The following CDK5RAP2 variants were observed in gnomAD, a reference collection of about 807,000 sequenced individuals.
The protein encoded by CDK5RAP2 is CDK5 regulatory subunit-associated protein 2.
CDK5RAP2 carries 147 observed loss-of-function variants against 232.9 expected under a neutral mutation model. The ratio of observed to expected loss-of-function variants is 0.63; its 90% CI spans 0.55 to 0.72. The LOEUF (loss-of-function observed/expected upper bound fraction) is 0.72. CDK5RAP2 is among the 30% of genes least tolerant of loss of function. CDK5RAP2 has a pLI of 0.00. For missense variants in CDK5RAP2, 2,195 were observed against 2,231.5 expected (o/e 0.98, Z 0.33); for synonymous variants, 833 against 833.7 (o/e 1.00, Z 0.01).
At chr9:120,465,718 AACCTCTAAAC>A (rs1359422936) in intron 18 of CDK5RAP2, among the ~76,000 whole-genome samples, 1 of 152,304 alleles carries the variant, frequency 6.6e-6, no homozygotes, top group African/African-American at 2.4e-5. Flanking sequence ...AAAAAAAAAA[AACCTCTAAAC>A]ACAGAAAAAG....
At chr9:120,516,070 T>C (rs1564324523) in intron 12 of CDK5RAP2, among the ~76,000 whole-genome samples, 1 of 152,094 alleles carries the variant, frequency 6.6e-6, no homozygotes, top group Non-Finnish European at 1.5e-5. Flanking sequence ...TGCACACGTA[T>C]GTTTATTTCG....
chr9:120,436,454 A>G (rs1335704835), intron 25 of CDK5RAP2, among the ~76,000 whole-genome samples: 1 of 152,240 alleles, frequency 6.6e-6, no homozygotes, highest in Non-Finnish European at 1.5e-5. Context: ...CTGTCATAAA[A>G]GACATTATTG....
intron 23 of CDK5RAP2, 96 bp downstream of exon 23, chr9:120,443,524 G>T: frequency 7.6e-7 from 1 of 1,320,726 alleles, no homozygotes; most frequent in Non-Finnish European, 1.1e-6. Context: ...GCCCTGAGAG[G>T]GCTGCTATGG....
intron 27 of CDK5RAP2, among the ~76,000 whole-genome samples, chr9:120,415,792 A>G (rs1441495331): frequency 6.6e-6 from 1 of 150,906 alleles, no homozygotes; most frequent in African/African-American, 2.4e-5. Context: ...TTCAACTCTT[A>G]GGACTCTATT....
chr9:120,527,015 C>T (rs1264692120), intron 10 of CDK5RAP2, among the ~76,000 whole-genome samples: 2 of 151,922 alleles, frequency 1.3e-5, no homozygotes, highest in Admixed American at 1.3e-4. Context: ...CCCCTTCCCT[C>T]TGCCTCCCCA....
intron 25 of CDK5RAP2, among the ~76,000 whole-genome samples, chr9:120,436,782 T>A (rs1030619477): frequency 5.3e-5 from 8 of 152,162 alleles, no homozygotes; most frequent in African/African-American, 1.7e-4. Flanking sequence ...AAAATTATTT[T>A]AAAAATTTTA....
At chr9:120,427,776 C>T (rs2035010314) in intron 25 of CDK5RAP2, among the ~76,000 whole-genome samples, 1 of 152,130 alleles carries the variant, frequency 6.6e-6, no homozygotes, top group African/African-American at 2.4e-5. Context: ...GCCTGGCCCA[C>T]AGAAATGTTT....
At chr9:120,409,092 C>T (rs555518876) in intron 30 of CDK5RAP2, 35 bp downstream of exon 30, 54 of 1,596,704 alleles carry the variant, frequency 3.4e-5, no homozygotes, top group Non-Finnish European at 3.9e-5. Flanking sequence ...ATGCGTGGTA[C>T]GGCCAGCAGG....
chr9:120,429,938 G>T (rs1476917956), intron 25 of CDK5RAP2, among the ~76,000 whole-genome samples: 1 of 152,134 alleles, frequency 6.6e-6, no homozygotes, highest in African/African-American at 2.4e-5. Context: ...ACAGAACAGA[G>T]CCCTCAGAAA....
In CDK5RAP2 at chr9:120,579,980, GCT is replaced by G; in HGVS notation, c.-4_-3del. The G allele has an allele frequency of 6.2e-7, 1 of 1,608,074 alleles. No individual in the cohort carries two copies. Among genetic ancestry groups the G allele is most frequent in the Non-Finnish European group, 8.5e-7 (1 of 1,174,612 alleles). Reference sequence around the variant, plus strand: ...CTCTTCCAACACCAAGTCCATCATGGCTACAGAGGTGGCGACAGCGTTGGTGT... The same window carrying G: ...CTCTTCCAACACCAAGTCCATCATGGACAGAGGTGGCGACAGCGTTGGTGT... On this transcript the variant is annotated 5_prime_UTR_variant, in exon 1 of 38. Coordinates refer to ENST00000349780, the MANE Select transcript of CDK5RAP2 (RefSeq NM_018249.6).
rs1253051837 is a variant in CDK5RAP2 at position 120,471,613 on chromosome 9, C to T, written c.1858+135G>A. The T allele has an allele frequency of 2.4e-6, 3 of 1,252,702 alleles. No individual in the cohort carries two copies. In the African/African-American group the frequency reaches 4.4e-5, roughly 18 times the overall value. The allele number at this position is 1,252,702 out of a possible 1,614,324, so 77.6% of individuals were successfully genotyped here. On this transcript the variant is annotated intron_variant, in intron 16 of 37. Coordinates refer to ENST00000349780, the MANE Select transcript of CDK5RAP2 (RefSeq NM_018249.6). ...CTAGGAAGGCTAACATCAGCATGGT[C>T]ACCACAAAAAGGATCTCCAAACGAA...
chr9:120,531,596 GAC>G, intron 7 of CDK5RAP2, among the ~76,000 whole-genome samples: 1 of 152,110 alleles, frequency 6.6e-6, no homozygotes, highest in Non-Finnish European at 1.5e-5. Context: ...CTCAACAAAT[GAC>G]AGTTGTTATA....
At chr9:120,529,280 T>A (rs1004942840) in intron 8 of CDK5RAP2, among the ~76,000 whole-genome samples, 2 of 152,220 alleles carry the variant, frequency 1.3e-5, no homozygotes, top group African/African-American at 4.8e-5. Flanking sequence ...CCAACAAGAA[T>A]GGAAGGCCTG....
chr9:120,503,379 A>T (rs147902526), intron 12 of CDK5RAP2, among the ~76,000 whole-genome samples: 3 of 152,288 alleles, frequency 2.0e-5, no homozygotes, highest in African/African-American at 7.2e-5. Flanking sequence ...ATGGCCCTGA[A>T]GAAGAGTGCT....
rs78650806 is a variant in CDK5RAP2 at position 120,414,839 on chromosome 9, C to A, written c.4297+201G>T. Among the ~76,000 whole-genome samples the A allele has an allele frequency of 0.037, 5,586 of 152,244 alleles. 119 individuals are homozygous for A. The highest frequency in any genetic ancestry group is 0.059 in the African/African-American group (2,444 of 41,546). ...TATTGCTTTGTTTTATCTTAAAATT[C>A]CTATCTATTTCTCTCCAGCTTCCAA... On this transcript the variant is annotated intron_variant, in intron 28 of 37. Coordinates refer to ENST00000349780, the MANE Select transcript of CDK5RAP2 (RefSeq NM_018249.6).
At chr9:120,521,807 G>C (rs1009577035) in intron 11 of CDK5RAP2, among the ~76,000 whole-genome samples, 2 of 151,760 alleles carry the variant, frequency 1.3e-5, no homozygotes, top group African/African-American at 4.8e-5. Context: ...CACCACACCT[G>C]GCTAATTTTT....
chr9:120,482,533 G>A (rs1444302257), intron 14 of CDK5RAP2, among the ~76,000 whole-genome samples: 2 of 152,100 alleles, frequency 1.3e-5, no homozygotes, highest in East Asian at 1.9e-4. Flanking sequence ...ACACTCCAGG[G>A]CACTTCACAG....
chr9:120,445,936 T>A (rs1336154863), intron 22 of CDK5RAP2, among the ~76,000 whole-genome samples: 1 of 152,220 alleles, frequency 6.6e-6, no homozygotes, highest in African/African-American at 2.4e-5. Context: ...AGACCCCTAA[T>A]GTCTCCCTCA....
At chr9:120,471,383 G>T (rs2037692991) in intron 16 of CDK5RAP2, among the ~76,000 whole-genome samples, 1 of 152,174 alleles carries the variant, frequency 6.6e-6, no homozygotes, top group African/African-American at 2.4e-5. Flanking sequence ...GCAGTCTTGG[G>T]CTCTCTGCAA....
Sources: allele counts gnomAD v4.1 joint callset (sites outside exome capture counted in the v4.1 genomes callset), GRCh38; gene constraint gnomAD v4.1.1; transcripts MANE v1.5; gene names NCBI Gene and HGNC (gene_info 2026-07-23, HGNC 2026-07-21).